The following CCDC102B variants were observed in gnomAD, a reference collection of about 807,000 sequenced individuals.
The protein encoded by CCDC102B is coiled-coil domain containing 102B.
A neutral mutation model predicts 57.4 loss-of-function variants in CCDC102B; 75 were observed. The observed-to-expected ratio is 1.31, with a 90% CI of 1.08 to 1.58. The LOEUF is 1.58. Among genes scored for constraint, CCDC102B ranks in the 40% most tolerant of loss-of-function variants. The pLI, the probability that CCDC102B is intolerant of heterozygous loss-of-function variation, is 0.00. For synonymous variants in CCDC102B, 206 were observed against 201.9 expected, an observed-to-expected ratio of 1.02 and a Z score of -0.17; for missense variants, 636 against 582.6, an observed-to-expected ratio of 1.09 and a Z score of -0.94.
At chr18:68,898,383 A>G (rs905064391) in intron 6 of CCDC102B, among the ~76,000 whole-genome samples, 14 of 152,120 alleles carry the variant, frequency 9.2e-5, no homozygotes, top group African/African-American at 3.1e-4. Context: ...ATGCAAGATT[A>G]AATTGTATTA....
chr18:68,997,128 A>G (rs2051050209), intron 6 of CCDC102B, among the ~76,000 whole-genome samples: 1 of 152,020 alleles, frequency 6.6e-6, no homozygotes, highest in Non-Finnish European at 1.5e-5. Flanking sequence ...TTCCACTGTG[A>G]TTGTAAGTTT....
chr18:69,020,611 C>A (rs1035620692), intron 7 of CCDC102B, among the ~76,000 whole-genome samples: 2 of 151,992 alleles, frequency 1.3e-5, no homozygotes, highest in African/African-American at 2.4e-5. Context: ...AAGTAATTGC[C>A]GTTTTTGCTA....
chr18:69,025,788 G>A (rs2051972515), intron 7 of CCDC102B, among the ~76,000 whole-genome samples: 1 of 152,174 alleles, frequency 6.6e-6, no homozygotes, highest in African/African-American at 2.4e-5. Context: ...TATTTCAGAG[G>A]TGATAATCAT....
chr18:68,829,106 G>A (rs529770054), intron 1 of CCDC102B, among the ~76,000 whole-genome samples: 1 of 151,878 alleles, frequency 6.6e-6, no homozygotes, highest in African/African-American at 2.4e-5. Context: ...GCAATTTGGA[G>A]GAGCTGGGCT....
intron 6 of CCDC102B, among the ~76,000 whole-genome samples, chr18:68,916,791 T>A (rs2041087955): frequency 6.6e-6 from 1 of 152,152 alleles, no homozygotes; most frequent in Non-Finnish European, 1.5e-5. Context: ...TGCTTTCTCC[T>A]GGGAAATGAT....
At chr18:68,997,278 T>A (rs1006056113) in intron 6 of CCDC102B, among the ~76,000 whole-genome samples, 1 of 152,174 alleles carries the variant, frequency 6.6e-6, no homozygotes, top group African/African-American at 2.4e-5. Context: ...GTAGATACAT[T>A]TTTTTCATTC....
chr18:68,876,934 T>G (rs1227473010), intron 5 of CCDC102B, among the ~76,000 whole-genome samples: 5 of 152,238 alleles, frequency 3.3e-5, no homozygotes. Flanking sequence ...TATTCTGCAT[T>G]TATAGAAATC....
chr18:68,834,023 T>C (rs1463665660), intron 1 of CCDC102B, among the ~76,000 whole-genome samples: 1 of 14,236 alleles, frequency 7.0e-5, no homozygotes, highest in African/African-American at 7.5e-5. Flanking sequence ...ATGAAGACTT[T>C]AGTGCATATG....
At chr18:68,866,785 CT>C in intron 4 of CCDC102B, 2 of 683,362 alleles carry the variant, frequency 2.9e-6, no homozygotes, top group Non-Finnish European at 5.6e-6. Context: ...TATGTCGGTG[CT>C]TTTGCTCCCT....
chr18:68,749,817 C>A (rs567368850), intron 2 of CCDC102B, among the ~76,000 whole-genome samples: 24 of 152,142 alleles, frequency 1.6e-4, no homozygotes, highest in African/African-American at 5.5e-4. Flanking sequence ...GACCTAAAAC[C>A]ATAAAAACCC....
intron 6 of CCDC102B, among the ~76,000 whole-genome samples, chr18:68,970,571 C>T (rs372956922): frequency 1.3e-5 from 2 of 151,694 alleles, no homozygotes; most frequent in African/African-American, 4.8e-5. Context: ...TTTCCACCTA[C>T]TTGCAACATA....
intron 6 of CCDC102B, among the ~76,000 whole-genome samples, chr18:68,999,708 G>A (rs370688605): frequency 7.2e-4 from 110 of 152,264 alleles, no homozygotes; most frequent in African/African-American, 2.6e-3. Flanking sequence ...AGTCACTCAT[G>A]TCTGTCTTAT....
intron 6 of CCDC102B, among the ~76,000 whole-genome samples, chr18:69,010,353 A>C (rs1188760242): frequency 6.6e-6 from 1 of 152,078 alleles, no homozygotes; most frequent in Non-Finnish European, 1.5e-5. Context: ...CTGTTAATTT[A>C]TATAGTGTAT....
intron 6 of CCDC102B, among the ~76,000 whole-genome samples, chr18:68,946,329 A>G (rs1398580370): frequency 6.6e-6 from 1 of 152,090 alleles, no homozygotes; most frequent in Admixed American, 6.6e-5. Flanking sequence ...CTTGCTACAT[A>G]TGCATGAACA....
At chr18:68,901,619 TTC>T (rs2040457003) in intron 6 of CCDC102B, among the ~76,000 whole-genome samples, 1 of 152,194 alleles carries the variant, frequency 6.6e-6, no homozygotes, top group Non-Finnish European at 1.5e-5. Context: ...AGAAAAGTCT[TTC>T]CCCTCAACTG....
At chr18:68,866,679 C>T in intron 4 of CCDC102B, 1 of 429,708 alleles carries the variant, frequency 2.3e-6, no homozygotes. Context: ...TTTATCTTGC[C>T]ATAGCACTGT....
chr18:68,904,926 C>G (rs1364545314), intron 6 of CCDC102B, among the ~76,000 whole-genome samples: 1 of 152,144 alleles, frequency 6.6e-6, no homozygotes, highest in Non-Finnish European at 1.5e-5. Context: ...AATTTTAAAT[C>G]TCAGTCCCTA....
At chr18:69,003,411 C>A (rs1236817130) in intron 6 of CCDC102B, among the ~76,000 whole-genome samples, 2 of 152,050 alleles carry the variant, frequency 1.3e-5, no homozygotes, top group Non-Finnish European at 2.9e-5. Context: ...CTAGGAGAAA[C>A]AACGTTTATC....
rs1599912681 is a variant in CCDC102B at position 69,054,640 on chromosome 18, T to G, written c.*503T>G. 1.0e-6 allele frequency: 1 copy of G among 980,782 alleles called. No individual in the cohort carries two copies. The highest frequency in any genetic ancestry group is 1.7e-5 in the African/African-American group (1 of 57,242). The allele number at this position is 980,782 out of a possible 1,614,324, so 60.8% of individuals were successfully genotyped here. On this transcript the variant is annotated 3_prime_UTR_variant, in exon 8 of 8. Coordinates refer to ENST00000360242, the MANE Select transcript of CCDC102B (RefSeq NM_024781.3). ...GTGTAACAATACATTTCTTATATAA[T>G]TTTATAAGTCATTTCTAATCTTTGT...
Sources: gnomAD v4.1 joint callset for allele counts (sites outside exome capture counted in the v4.1 genomes callset) on GRCh38, gnomAD v4.1.1 for gene constraint, MANE v1.5 for transcripts, NCBI Gene and HGNC (gene_info 2026-07-23, HGNC 2026-07-21) for gene names.